ZBTB8A: variants seen among roughly 807,000 people sequenced by gnomAD.
The protein encoded by ZBTB8A is zinc finger and BTB domain containing 8A, also known as zinc finger and BTB domain-containing protein 8A.
Under a neutral mutation model 37.8 loss-of-function variants are expected in ZBTB8A, and 19 were observed. That is an observed-to-expected ratio of 0.50 (90% CI 0.35 to 0.74). The LOEUF (loss-of-function observed/expected upper bound fraction) is 0.74, where lower values mean the gene tolerates loss of function less well. Among genes scored for constraint, ZBTB8A ranks in the 30% least tolerant of loss-of-function variants. The pLI is 0.01. For synonymous variants in ZBTB8A, 181 were observed against 185.2 expected (o/e 0.98, Z 0.19); for missense variants, 394 against 537.8 (o/e 0.73, Z 2.65).
chr1:32,557,302 C>G (rs1015092491), intron 2 of ZBTB8A, among the ~76,000 whole-genome samples: 2 of 152,092 alleles, frequency 1.3e-5, no homozygotes, highest in East Asian at 1.9e-4. Context: ...ACTCCCATCT[C>G]AAAAAGATGA....
At chr1:32,544,905 G>A (rs72652147) in intron 1 of ZBTB8A, among the ~76,000 whole-genome samples, 17,720 of 152,186 alleles carry the variant, frequency 0.12, 1,196 homozygotes, top group African/African-American at 0.2. Flanking sequence ...CTGTCCGTCA[G>A]TGGACATTTG....
At chr1:32,584,139 G>C (rs779937193) in intron 2 of ZBTB8A, among the ~76,000 whole-genome samples, 3 of 152,062 alleles carry the variant, frequency 2.0e-5, no homozygotes, top group Non-Finnish European at 2.9e-5. Flanking sequence ...GGCAGAGATT[G>C]GGGATAAGCT....
chr1:32,567,841 A>AAAACC (rs1166678157), intron 2 of ZBTB8A, among the ~76,000 whole-genome samples: 2 of 134,440 alleles, frequency 1.5e-5, no homozygotes, highest in South Asian at 2.4e-4. Context: ...AAAACAAAAC[A>AAAACC]AAAAAAAGAT....
At chr1:32,589,654 A>G (rs940161623) in intron 2 of ZBTB8A, among the ~76,000 whole-genome samples, 6 of 151,952 alleles carry the variant, frequency 3.9e-5, no homozygotes, top group Non-Finnish European at 8.8e-5. Flanking sequence ...GGGTCAAGCA[A>G]TTCTCCTACC....
intron 1 of ZBTB8A, among the ~76,000 whole-genome samples, chr1:32,550,517 G>C (rs1644143572): frequency 1.3e-5 from 2 of 152,162 alleles, no homozygotes; most frequent in African/African-American, 4.8e-5. Flanking sequence ...TCCTCGGAAG[G>C]CTGATGTGCA....
chr1:32,596,020 C>T (rs1317525744), intron 4 of ZBTB8A, among the ~76,000 whole-genome samples: 1 of 151,818 alleles, frequency 6.6e-6, no homozygotes, highest in Non-Finnish European at 1.5e-5. Flanking sequence ...CACACGTAAT[C>T]CCAGCACTTC....
intron 2 of ZBTB8A, among the ~76,000 whole-genome samples, chr1:32,581,316 AT>A (rs1644405198): frequency 8.4e-6 from 1 of 118,800 alleles, no homozygotes; most frequent in Non-Finnish European, 1.6e-5. Context: ...ATAATATATA[AT>A]ATATAAGTAT....
At chr1:32,557,346 G>T (rs1024254257) in intron 2 of ZBTB8A, among the ~76,000 whole-genome samples, 2 of 152,106 alleles carry the variant, frequency 1.3e-5, no homozygotes, top group Non-Finnish European at 2.9e-5. Context: ...GTGTTTCTCT[G>T]GGATTTTGTT....
chr1:32,568,535 C>T (rs924760650), intron 2 of ZBTB8A, among the ~76,000 whole-genome samples: 4 of 152,074 alleles, frequency 2.6e-5, no homozygotes, highest in South Asian at 2.1e-4. Flanking sequence ...TGCAGGCGCC[C>T]GCCACTACGC....
intron 2 of ZBTB8A, among the ~76,000 whole-genome samples, chr1:32,584,094 C>T (rs377345876): frequency 1.3e-5 from 2 of 152,024 alleles, no homozygotes. Context: ...TACAGAGACA[C>T]ACACGCAGGG....
chr1:32,579,044 T>C (rs1644383778), intron 2 of ZBTB8A, among the ~76,000 whole-genome samples: 1 of 152,176 alleles, frequency 6.6e-6, no homozygotes, highest in Admixed American at 6.6e-5. Flanking sequence ...TAGAGTTATC[T>C]TTACTGTTGT....
Position 32,593,596 on chromosome 1 carries a change from C to T in ZBTB8A, c.665C>T (p.Thr222Ile), listed in dbSNP as rs200737625. ...HLRLSQPSEVTHYKSSKREVR... is the reference protein window; with the variant it reads ...HLRLSQPSEVIHYKSSKREVR... ...AGATTGTCACAGCCTTCTGAAGTTA[C>T]TCATTATAAGTCAAGCAAACGAGAA... is the stretch of plus-strand genomic sequence containing the variant. The change falls in exon 3 of 5, where the codon ACT becomes ATT. Residue 222 changes from threonine to isoleucine, a missense_variant. Coordinates refer to ENST00000373510, the MANE Select transcript of ZBTB8A (RefSeq NM_001040441.3). The T allele has an allele frequency of 6.2e-7, 1 of 1,614,214 alleles. No homozygotes were observed. The highest frequency in any genetic ancestry group is 8.5e-7 in the Non-Finnish European group (1 of 1,180,046).
chr1:32,592,577 GCT>G (rs1557716920), intron 2 of ZBTB8A, among the ~76,000 whole-genome samples: 1 of 151,102 alleles, frequency 6.6e-6, no homozygotes, highest in Non-Finnish European at 1.5e-5. Context: ...TGTGATCTTG[GCT>G]CACTGCAACC....
At chr1:32,593,873 C>T in intron 3 of ZBTB8A, 119 bp downstream of exon 3, 1 of 769,664 alleles carries the variant, frequency 1.3e-6, no homozygotes, top group Non-Finnish European at 2.0e-6. Flanking sequence ...TGATTTTTTT[C>T]AAAAGTTCTA....
intron 1 of ZBTB8A, among the ~76,000 whole-genome samples, chr1:32,541,533 T>C (rs1369094741): frequency 6.6e-6 from 1 of 152,230 alleles, no homozygotes; most frequent in Non-Finnish European, 1.5e-5. Flanking sequence ...ATCTTTTCTG[T>C]CTCAGGCCAT....
intron 2 of ZBTB8A, among the ~76,000 whole-genome samples, chr1:32,584,605 G>A (rs985171815): frequency 1.3e-5 from 2 of 148,294 alleles, no homozygotes; most frequent in Admixed American, 1.4e-4. Context: ...TTGAGCTCCT[G>A]GGCTCGAGGG....
intron 2 of ZBTB8A, among the ~76,000 whole-genome samples, chr1:32,564,810 TATATC>T (rs1644267111): frequency 6.6e-6 from 1 of 152,126 alleles, no homozygotes; most frequent in Non-Finnish European, 1.5e-5. Flanking sequence ...ACACATGTAG[TATATC>T]ATTTAACTGC....
chr1:32,552,560 G>T (rs917099924), intron 1 of ZBTB8A, among the ~76,000 whole-genome samples: 8 of 151,996 alleles, frequency 5.3e-5, no homozygotes, highest in Non-Finnish European at 1.0e-4. Flanking sequence ...CAGCTACTCG[G>T]GAGGCTGAGG....
At chr1:32,544,349 T>C (rs535641028) in intron 1 of ZBTB8A, among the ~76,000 whole-genome samples, 8 of 152,370 alleles carry the variant, frequency 5.3e-5, no homozygotes, top group African/African-American at 1.9e-4. Flanking sequence ...CTGTATAGCA[T>C]AATACTATAG....
Sources: gnomAD v4.1 joint callset for allele counts (sites outside exome capture counted in the v4.1 genomes callset) on GRCh38, gnomAD v4.1.1 for gene constraint, MANE v1.5 for transcripts, NCBI Gene and HGNC (gene_info 2026-07-23, HGNC 2026-07-21) for gene names.